FARS2: variants seen among roughly 807,000 people sequenced by gnomAD.
FARS2 encodes the protein phenylalanyl-tRNA synthetase 2, mitochondrial.
A neutral mutation model predicts 46.4 loss-of-function variants in FARS2; 40 were observed. The observed-to-expected ratio is 0.86, with a 90% CI of 0.67 to 1.12. FARS2 has a LOEUF of 1.12. Among genes scored for constraint, FARS2 ranks in the 50% most tolerant of loss-of-function variants. The pLI, the probability that FARS2 is intolerant of heterozygous loss-of-function variation, is 0.00. For synonymous variants in FARS2, 234 were observed against 214.9 expected, an observed-to-expected ratio of 1.09 and a Z score of -0.78; for missense variants, 513 against 567.9, an observed-to-expected ratio of 0.90 and a Z score of 0.98.
intron 3 of FARS2, among the ~76,000 whole-genome samples, chr6:5,430,716 A>G (rs1763113011): frequency 1.3e-5 from 2 of 152,282 alleles, no homozygotes; most frequent in Non-Finnish European, 2.9e-5. Context: ...ATGTATAGAA[A>G]CTAACAGAAT....
chr6:5,442,744 AC>A (rs747842617), intron 4 of FARS2, among the ~76,000 whole-genome samples: 3 of 152,116 alleles, frequency 2.0e-5, no homozygotes, highest in Non-Finnish European at 2.9e-5. Context: ...TGCTTCTTTG[AC>A]TAGGAAATGT....
intron 6 of FARS2, among the ~76,000 whole-genome samples, chr6:5,717,018 G>GT (rs1363705347): frequency 1.3e-5 from 2 of 152,244 alleles, no homozygotes; most frequent in African/African-American, 4.8e-5. Context: ...AATAGACTGA[G>GT]TGGGGAACCC....
chr6:5,308,129 C>CT (rs56667354), intron 1 of FARS2, among the ~76,000 whole-genome samples: 51 of 151,320 alleles, frequency 3.4e-4, no homozygotes, highest in Non-Finnish European at 5.0e-4. Flanking sequence ...TTCTTCCTCT[C>CT]TTTTTTTTTG....
At chr6:5,350,988 T>C (rs564878610) in intron 1 of FARS2, among the ~76,000 whole-genome samples, 2 of 152,358 alleles carry the variant, frequency 1.3e-5, no homozygotes, top group Admixed American at 1.3e-4. Flanking sequence ...TTCTGCCAAA[T>C]TCACTGATAG....
At chr6:5,433,525 A>G (rs777775912) in intron 4 of FARS2, among the ~76,000 whole-genome samples, 4 of 152,172 alleles carry the variant, frequency 2.6e-5, no homozygotes, top group Non-Finnish European at 5.9e-5. Flanking sequence ...TTTTATGCTG[A>G]GTGAGTGATT....
intron 6 of FARS2, among the ~76,000 whole-genome samples, chr6:5,691,060 C>T (rs1259611249): frequency 2.0e-5 from 3 of 152,172 alleles, no homozygotes; most frequent in East Asian, 1.9e-4. Flanking sequence ...AAGGACTTCC[C>T]TGCATTGGTT....
chr6:5,464,959 A>G (rs534770111), intron 4 of FARS2, among the ~76,000 whole-genome samples: 1 of 152,220 alleles, frequency 6.6e-6, no homozygotes. Flanking sequence ...GGGCTGCAGC[A>G]TGGGGGCCTT....
At chr6:5,694,527 T>A (rs1757972164) in intron 6 of FARS2, among the ~76,000 whole-genome samples, 2 of 152,168 alleles carry the variant, frequency 1.3e-5, no homozygotes, top group African/African-American at 2.4e-5. Flanking sequence ...TTTGGAGGAG[T>A]TTTTATATTT....
chr6:5,541,309 A>G (rs1429481131), intron 4 of FARS2, among the ~76,000 whole-genome samples: 4 of 152,188 alleles, frequency 2.6e-5, no homozygotes, highest in Non-Finnish European at 4.4e-5. Context: ...CAAGTGTAGT[A>G]TGTTTGAAAT....
At chr6:5,250,024 G>A in the FARS2 span, among the ~76,000 whole-genome samples, 1 of 152,122 alleles carries the variant, frequency 6.6e-6, no homozygotes, top group African/African-American at 2.4e-5. Context: ...GCATACAAAA[G>A]AGTATTATCC....
chr6:5,341,216 T>G (rs1311147150), intron 1 of FARS2, among the ~76,000 whole-genome samples: 4 of 6,940 alleles, frequency 5.8e-4, no homozygotes, highest in Middle Eastern at 0.024. Flanking sequence ...TATATATATA[T>G]ATATATATAT....
At chr6:5,602,838 T>G (rs1350389254) in intron 5 of FARS2, among the ~76,000 whole-genome samples, 1 of 152,114 alleles carries the variant, frequency 6.6e-6, no homozygotes, top group African/African-American at 2.4e-5. Context: ...GCTTATAATT[T>G]ATAACCGGGT....
At chr6:5,539,196 G>A (rs1770410626) in intron 4 of FARS2, among the ~76,000 whole-genome samples, 1 of 151,360 alleles carries the variant, frequency 6.6e-6, no homozygotes, top group African/African-American at 2.4e-5. Flanking sequence ...CATCCACTTA[G>A]GCCAGTGAAC....
At chr6:5,758,889 C>G (rs537859357) in intron 6 of FARS2, among the ~76,000 whole-genome samples, 6 of 151,994 alleles carry the variant, frequency 3.9e-5, no homozygotes, top group Non-Finnish European at 8.8e-5. Flanking sequence ...GCCCCTTCAG[C>G]TAGAGCAGCT....
chr6:5,390,525 C>A (rs574522460), intron 2 of FARS2, among the ~76,000 whole-genome samples: 1 of 152,072 alleles, frequency 6.6e-6, no homozygotes, highest in East Asian at 1.9e-4. Flanking sequence ...TTTTATAAAC[C>A]GAACAACAGT....
At chr6:5,641,154 G>T (rs941518865) in intron 6 of FARS2, among the ~76,000 whole-genome samples, 2 of 152,138 alleles carry the variant, frequency 1.3e-5, no homozygotes, top group Non-Finnish European at 2.9e-5. Context: ...CCCTGGGTGT[G>T]TTTCTTGCTC....
intron 6 of FARS2, 120 bp downstream of exon 6, chr6:5,613,440 T>C: frequency 1.3e-6 from 1 of 743,618 alleles, no homozygotes. Flanking sequence ...CTTCTGAATT[T>C]GTAGTGAATG....
chr6:5,687,508 T>C (rs1757330245), intron 6 of FARS2, among the ~76,000 whole-genome samples: 1 of 152,228 alleles, frequency 6.6e-6, no homozygotes, highest in African/African-American at 2.4e-5. Flanking sequence ...CAGATAGTTG[T>C]AGATATGCGG....
At chr6:5,653,710 A>C (rs143678882) in intron 6 of FARS2, among the ~76,000 whole-genome samples, 6 of 152,332 alleles carry the variant, frequency 3.9e-5, no homozygotes, top group Admixed American at 6.5e-5. Context: ...CCCAACCTTC[A>C]TTCATTGATT....
Sources: gnomAD v4.1 joint callset for allele counts (sites outside exome capture counted in the v4.1 genomes callset) on GRCh38, gnomAD v4.1.1 for gene constraint, MANE v1.5 for transcripts, NCBI Gene and HGNC (gene_info 2026-07-23, HGNC 2026-07-21) for gene names.